STK3: variants seen among roughly 807,000 people sequenced by gnomAD.
STK3 encodes serine/threonine kinase 3.
Under a neutral mutation model 58.0 loss-of-function variants are expected in STK3, and 41 were observed. The ratio of observed to expected loss-of-function variants is 0.71; its 90% CI spans 0.55 to 0.92. The LOEUF is 0.92. STK3 is among the 40% of genes least tolerant of loss of function. STK3 has a pLI of 0.00. For synonymous variants in STK3, 170 were observed against 191.0 expected (o/e 0.89, Z 0.91); for missense variants, 479 against 602.7 (o/e 0.79, Z 2.15).
chr8:98,738,903 C>A (rs1828894422), intron 4 of STK3, among the ~76,000 whole-genome samples: 1 of 152,256 alleles, frequency 6.6e-6, no homozygotes, highest in Non-Finnish European at 1.5e-5. Context: ...CTGCGCTTTT[C>A]CGACGCGCTT....
At chr8:98,795,229 A>G (rs1170236335) in intron 1 of STK3, among the ~76,000 whole-genome samples, 1 of 150,336 alleles carries the variant, frequency 6.7e-6, no homozygotes, top group Non-Finnish European at 1.5e-5. Context: ...AACATATGCA[A>G]ATCAATAAAT....
chr8:98,744,435 C>A (rs1418702024), intron 4 of STK3, among the ~76,000 whole-genome samples: 1 of 151,728 alleles, frequency 6.6e-6, no homozygotes, highest in Admixed American at 6.6e-5. Flanking sequence ...TTTGTAGGGA[C>A]ATGGATGAAA....
chr8:98,629,900 T>C (rs1228366338), intron 6 of STK3, among the ~76,000 whole-genome samples: 1 of 152,074 alleles, frequency 6.6e-6, no homozygotes, highest in East Asian at 1.9e-4. Context: ...ACAGAACTCT[T>C]ATATTCTGGG....
At chr8:98,684,400 G>T (rs1229046202) in intron 6 of STK3, among the ~76,000 whole-genome samples, 1 of 152,060 alleles carries the variant, frequency 6.6e-6, no homozygotes, top group African/African-American at 2.4e-5. Flanking sequence ...ACAAAATCAG[G>T]TGATGAAAAA....
chr8:98,923,846 TGTGTGTGTGC>T (rs935854320), intron 1 of STK3, among the ~76,000 whole-genome samples: 4 of 120,560 alleles, frequency 3.3e-5, no homozygotes, highest in South Asian at 2.5e-4. Context: ...TGTGTGTGTG[TGTGTGTGTGC>T]GCGCGCGCGC....
intron 4 of STK3, among the ~76,000 whole-genome samples, chr8:98,724,911 A>G (rs1827692531): frequency 6.6e-6 from 1 of 152,214 alleles, no homozygotes; most frequent in African/African-American, 2.4e-5. Flanking sequence ...CCTTAGCACT[A>G]AAGAATCATA....
intron 3 of STK3, among the ~76,000 whole-genome samples, chr8:98,864,327 A>T (rs1837052264): frequency 6.6e-6 from 1 of 152,096 alleles, no homozygotes; most frequent in South Asian, 2.1e-4. Context: ...TCAACTTGTA[A>T]ACCTGAGTAT....
At chr8:98,539,101 T>C (rs993688044) in intron 9 of STK3, among the ~76,000 whole-genome samples, 2 of 152,172 alleles carry the variant, frequency 1.3e-5, no homozygotes, top group African/African-American at 4.8e-5. Flanking sequence ...AGAAAGTAGT[T>C]CCCCTACACA....
At chr8:98,491,162 C>CGAGAGAGAGAGAGA (rs61704241) in intron 10 of STK3, among the ~76,000 whole-genome samples, 36 of 142,942 alleles carry the variant, frequency 2.5e-4, no homozygotes, top group African/African-American at 7.6e-4. Context: ...AAAATAAACA[C>CGAGAGAGAGAGAGA]GAGAGAGAGA....
chr8:98,428,988 T>G lies in STK3; in HGVS notation n.483+5139A>C. Reference sequence around the variant, plus strand: ...AGTAGGGCTGCTCTTGCTCTACCTCTCCGTGGGGATTTCCATCTTCTCCGT... The same window carrying G: ...AGTAGGGCTGCTCTTGCTCTACCTCGCCGTGGGGATTTCCATCTTCTCCGT... On this transcript the variant is annotated intron_variant and non_coding_transcript_variant, in intron 3 of 3. Coordinates refer to the STK3 transcript ENST00000517832. The surrounding 1 kb of genome is among the most constrained non-coding windows in gnomAD (Gnocchi z 6.7). The G allele has an allele frequency of 6.2e-7, 1 of 1,614,120 alleles. No individual in the cohort carries two copies. Among genetic ancestry groups the G allele is most frequent in the East Asian group, 2.2e-5 (1 of 44,858 alleles).
the STK3 span, among the ~76,000 whole-genome samples, chr8:98,347,091 A>G: frequency 6.6e-6 from 1 of 152,006 alleles, no homozygotes; most frequent in Non-Finnish European, 1.5e-5. Flanking sequence ...AAATGCTATA[A>G]TATCACTTGA....
chr8:98,770,270 A>T (rs913929646), intron 2 of STK3, among the ~76,000 whole-genome samples: 4 of 152,142 alleles, frequency 2.6e-5, no homozygotes, highest in Non-Finnish European at 5.9e-5. Flanking sequence ...TCCAGACCCA[A>T]AGTTATACTC....
At chr8:98,360,481 G>A in the STK3 span, among the ~76,000 whole-genome samples, 3 of 151,668 alleles carry the variant, frequency 2.0e-5, no homozygotes, top group African/African-American at 4.8e-5. Flanking sequence ...CCAAGGCTAC[G>A]AAGACAACCA....
chr8:98,921,179 T>C (rs1839544551), intron 1 of STK3: 1 of 152,092 alleles, frequency 6.6e-6, no homozygotes, highest in Non-Finnish European at 1.5e-5. Flanking sequence ...TTTCCCCTTT[T>C]AGACTTTCAG....
intron 6 of STK3, among the ~76,000 whole-genome samples, chr8:98,634,342 A>G (rs547342360): frequency 6.6e-6 from 1 of 152,154 alleles, no homozygotes; most frequent in South Asian, 2.1e-4. Flanking sequence ...ATATATATAT[A>G]TACAAAAATT....
chr8:98,647,788 T>G (rs1015127363), intron 6 of STK3, among the ~76,000 whole-genome samples: 6 of 152,232 alleles, frequency 3.9e-5, no homozygotes, highest in African/African-American at 7.2e-5. Context: ...ATTGTAGGCA[T>G]GAGCCATTGC....
At chr8:98,792,951 GTA>G (rs1461021378) in intron 1 of STK3, among the ~76,000 whole-genome samples, 7 of 151,788 alleles carry the variant, frequency 4.6e-5, no homozygotes, top group Admixed American at 3.3e-4. Flanking sequence ...ACATATATGT[GTA>G]TGTGTGTGTG....
At chr8:98,705,272 G>A (rs1275445054) in intron 6 of STK3, among the ~76,000 whole-genome samples, 1 of 151,948 alleles carries the variant, frequency 6.6e-6, no homozygotes, top group Non-Finnish European at 1.5e-5. Flanking sequence ...AATTAGTTGG[G>A]CATGGTGGTG....
At chr8:98,810,250 A>G (rs1251680441) in intron 1 of STK3, among the ~76,000 whole-genome samples, 1 of 152,214 alleles carries the variant, frequency 6.6e-6, no homozygotes, top group Non-Finnish European at 1.5e-5. Flanking sequence ...GGGCAGGGAT[A>G]CAGATCCAAA....
Sources: gnomAD v4.1 joint callset for allele counts (sites outside exome capture counted in the v4.1 genomes callset) on GRCh38, gnomAD v4.1.1 for gene constraint, Gnocchi (gnomAD v3.1) non-coding constraint, MANE v1.5 for transcripts, NCBI Gene and HGNC (gene_info 2026-07-23, HGNC 2026-07-21) for gene names.